Variants in NKAIN4 observed in about 807,000 individuals in gnomAD.
NKAIN4 encodes sodium/potassium transporting ATPase interacting 4.
NKAIN4 carries 28 observed loss-of-function variants against 28.8 expected under a neutral mutation model. The observed-to-expected ratio is 0.97, with a 90% CI of 0.72 to 1.33. NKAIN4 has a LOEUF of 1.33. NKAIN4 is among the 40% of genes most tolerant of loss of function. The probability of loss-of-function intolerance (pLI) is 0.00; values close to 1 mark genes in which losing one functional copy is unlikely to be tolerated. For missense variants in NKAIN4, 289 were observed against 277.2 expected (o/e 1.04, Z -0.30); for synonymous variants, 122 against 115.6 (o/e 1.06, Z -0.36).
chr20:63,246,346 G>A (rs939940302), intron 4 of NKAIN4, among the ~76,000 whole-genome samples: 9 of 152,216 alleles, frequency 5.9e-5, no homozygotes, highest in African/African-American at 2.2e-4. Context: ...CATTTTGGGG[G>A]CAATTGGGGC....
rs1186889227 is a variant in NKAIN4 at position 63,248,837 on chromosome 20, A to T, written c.251T>A (p.Leu84Gln). The T allele has an allele frequency of 1.2e-6, 2 of 1,612,550 alleles. No individual in the cohort carries two copies. Among genetic ancestry groups the T allele is most frequent in the South Asian group, 2.2e-5 (2 of 91,054 alleles). The change falls in exon 3 of 7, where the codon CTG becomes CAG. Residue 84 changes from leucine (L) to glutamine (Q), a missense_variant. Physicochemically the swap from Leu to Gln is moderately radical, Grantham distance 113. Coordinates refer to ENST00000370316, the MANE Select transcript of NKAIN4 (RefSeq NM_152864.4). ...TWNVFIICFY[L>Q]EVGGLLKDSE... ...CACCTTTAAGAGGCCACCGACTTCC[A>T]GGTAGAAGCAGATGATGAAGACGTT...
At position 63,245,055 on chromosome 20, in the gene NKAIN4, C is replaced by G. The variant is rs1949278618; in HGVS notation, c.472-971G>C. On this transcript the variant is annotated intron_variant, in intron 4 of 6. Coordinates refer to ENST00000370316, the MANE Select transcript of NKAIN4 (RefSeq NM_152864.4). This position sits in a 1 kb window ranked among gnomAD's most constrained non-coding sequence, Gnocchi z 4.7. Reference sequence around the variant, plus strand: ...TGCCCAGGAGAGGAGACAGGACACGCAGGCCAGGCCCCAGGGCTGGACATG... The same window carrying G: ...TGCCCAGGAGAGGAGACAGGACACGGAGGCCAGGCCCCAGGGCTGGACATG... 6.6e-6 allele frequency among the ~76,000 whole-genome samples: 1 copy of G among 152,184 alleles called. No homozygotes were observed. Among genetic ancestry groups the G allele is most frequent in the Non-Finnish European group, 1.5e-5 (1 of 68,032 alleles).
At chr20:63,251,022 G>C (rs1182533561) in intron 1 of NKAIN4, among the ~76,000 whole-genome samples, 1 of 151,702 alleles carries the variant, frequency 6.6e-6, no homozygotes, top group East Asian at 1.9e-4. Context: ...CTGAATGCCA[G>C]GCTGTGCTGA....
intron 3 of NKAIN4, chr20:63,248,198 G>T: frequency 5.5e-6 from 1 of 180,396 alleles, no homozygotes; most frequent in African/African-American, 2.4e-5. Context: ...GTGCCCACCT[G>T]TGCTACACTG....
intron 1 of NKAIN4, among the ~76,000 whole-genome samples, chr20:63,251,505 C>T (rs1368229392): frequency 6.6e-6 from 1 of 152,188 alleles, no homozygotes; most frequent in Non-Finnish European, 1.5e-5. Flanking sequence ...GACCACGGTC[C>T]GCTTGGCAAC....
rs140634323 is a variant in NKAIN4 at position 63,252,580 on chromosome 20, G to T, written c.54+1817C>A. Among the ~76,000 whole-genome samples the T allele has an allele frequency of 6.6e-6, 1 of 152,242 alleles. No homozygotes were observed. The highest frequency in any genetic ancestry group is 1.9e-4 in the East Asian group (1 of 5,174). ...TCCCCAAGGCAGAGGAGGCACAGTG[G>T]GCTGCCAGATTGCCAACCCGGCCAG... On this transcript the variant is annotated intron_variant, in intron 1 of 6. Transcript: ENST00000370316. The surrounding 1 kb of genome is among the most constrained non-coding windows in gnomAD (Gnocchi z 4.6).
chr20:63,254,542 G>GCCCCCTCTGCATCCCGTTC, upstream of NKAIN4: 1 of 861,346 alleles, frequency 1.2e-6, no homozygotes, highest in Non-Finnish European at 1.5e-6. Context: ...CCTGGACCCC[G>GCCCCCTCTGCATCCCGTTC]CCCCCTCCGC....
At chr20:63,247,243 CCCT>C in intron 4 of NKAIN4, 2 of 1,246,412 alleles carry the variant, frequency 1.6e-6, no homozygotes, top group East Asian at 4.3e-5. Flanking sequence ...AGATGCATGC[CCCT>C]CCTCCTTGGG....
At chr20:63,247,321 C>T (rs1287989850) in intron 4 of NKAIN4, 2 of 1,438,316 alleles carry the variant, frequency 1.4e-6, no homozygotes, top group East Asian at 2.7e-5. Context: ...CCACAGCAAA[C>T]ACCACGCTCA....
chr20:63,243,986 G>A (rs764140409), intron 5 of NKAIN4, 38 bp downstream of exon 5: 33 of 1,569,240 alleles, frequency 2.1e-5, no homozygotes, highest in African/African-American at 1.8e-4. Context: ...CTCTGTAGCC[G>A]TCTCCCGCCC....
chr20:63,246,480 G>C (rs1043617287), intron 4 of NKAIN4: 1 of 984,606 alleles, frequency 1.0e-6, no homozygotes, highest in African/African-American at 1.7e-5. Context: ...TGCAGGACCA[G>C]AGCAGAGCCC....
chr20:63,246,180 G>A (rs1238766373), intron 4 of NKAIN4, among the ~76,000 whole-genome samples: 2 of 152,102 alleles, frequency 1.3e-5, no homozygotes, highest in East Asian at 1.9e-4. Context: ...CGCCTGCCTC[G>A]GCCTCCCAAA....
At chr20:63,247,005 G>A (rs41309937) in intron 4 of NKAIN4, 166,274 of 998,204 alleles carry the variant, frequency 0.17, 14,271 homozygotes, top group East Asian at 0.31. Flanking sequence ...TCCCGTTCCC[G>A]CACAAGCAAC....
chr20:63,247,125 G>A, intron 4 of NKAIN4: 1 of 1,059,192 alleles, frequency 9.4e-7, no homozygotes, highest in Non-Finnish European at 1.1e-6. Context: ...ACAAGGCTGA[G>A]GGGCTTCTTG....
At chr20:63,250,339 A>T (rs2066934701) in intron 1 of NKAIN4, among the ~76,000 whole-genome samples, 2 of 151,966 alleles carry the variant, frequency 1.3e-5, no homozygotes, top group Non-Finnish European at 2.9e-5. Flanking sequence ...CCCGTGTGTC[A>T]CCGTCTGTCC....
At chr20:63,242,754 C>T in intron 5 of NKAIN4, 131 bp from the exon 6 acceptor site, 2 of 424,256 alleles carry the variant, frequency 4.7e-6, no homozygotes, top group Admixed American at 6.2e-5. Context: ...AAAGCCCTGA[C>T]ATGACAGCAG....
At chr20:63,241,960 G>C (rs1185319603) in intron 6 of NKAIN4, among the ~76,000 whole-genome samples, 1 of 152,178 alleles carries the variant, frequency 6.6e-6, no homozygotes, top group Non-Finnish European at 1.5e-5. Flanking sequence ...CATCAGGTGT[G>C]TCTGGGGGCC....
chr20:63,245,732 G>T lies in NKAIN4; in HGVS notation c.472-1648C>A, dbSNP rs1292150083. Among the ~76,000 whole-genome samples, 1 of 152,078 alleles carries T rather than the reference G, an allele frequency of 6.6e-6. No homozygotes were observed. ...AGACCCTCCAAAGCAAACAGCAGGG[G>T]CGAGATCCTAGCGAGGACTAGCTGG... On this transcript the variant is annotated intron_variant, in intron 4 of 6. Transcript: ENST00000370316. The surrounding 1 kb of genome is among the most constrained non-coding windows in gnomAD (Gnocchi z 4.7).
Position 63,241,200 on chromosome 20 carries a change from C to T in NKAIN4, c.*297G>A. ...CGACAGCCTGGGGGCAGAGCTGTGA[C>T]CCCCATGTTGCCAGAGGAGGTGGGC... is the stretch of plus-strand genomic sequence containing the variant. On this transcript the variant is annotated 3_prime_UTR_variant, in exon 7 of 7. Coordinates refer to ENST00000370316, the MANE Select transcript of NKAIN4 (RefSeq NM_152864.4). 1 of 405,390 alleles carries T rather than the reference C, an allele frequency of 2.5e-6. No individual in the cohort carries two copies. Among genetic ancestry groups the T allele is most frequent in the South Asian group, 2.6e-5 (1 of 38,728 alleles). The allele number at this position is 405,390 out of a possible 1,614,324, so 25.1% of individuals were successfully genotyped here.
Sources: allele counts gnomAD v4.1 joint callset (sites outside exome capture counted in the v4.1 genomes callset), GRCh38; gene constraint gnomAD v4.1.1; non-coding constraint Gnocchi (gnomAD v3.1); transcripts MANE v1.5; gene names NCBI Gene and HGNC (gene_info 2026-07-23, HGNC 2026-07-21).